RIMS2: variants seen among roughly 807,000 people sequenced by gnomAD.
RIMS2 encodes regulating synaptic membrane exocytosis protein 2.
A neutral mutation model predicts 174.4 loss-of-function variants in RIMS2; 59 were observed. That is an observed-to-expected ratio of 0.34 (90% CI 0.27 to 0.42). The LOEUF (loss-of-function observed/expected upper bound fraction) is 0.42, where lower values mean the gene tolerates loss of function less well. Ranked by LOEUF, RIMS2 falls within the 10% of genes least tolerant of loss-of-function variation. RIMS2 has a pLI of 1.00. For synonymous variants in RIMS2, 606 were observed against 572.5 expected (o/e 1.06, Z -0.84); for missense variants, 1,620 against 1,666.3 (o/e 0.97, Z 0.48).
chr8:104,208,725 G>A (rs943875034), intron 19 of RIMS2, among the ~76,000 whole-genome samples: 1 of 152,086 alleles, frequency 6.6e-6, no homozygotes, highest in African/African-American at 2.4e-5. Flanking sequence ...AATAAAGAAG[G>A]AAAACCTGAA....
intron 1 of RIMS2, among the ~76,000 whole-genome samples, chr8:103,633,336 C>A (rs2095992333): frequency 6.6e-6 from 1 of 151,986 alleles, no homozygotes; most frequent in Admixed American, 6.6e-5. Context: ...TGTGAGCCAC[C>A]ATGCCCATCC....
chr8:103,949,124 CAAAAAAAAA>C (rs533642917), intron 14 of RIMS2, among the ~76,000 whole-genome samples: 42 of 44,096 alleles, frequency 9.5e-4, no homozygotes, highest in Non-Finnish European at 1.8e-3. Context: ...GAGACTCTGT[CAAAAAAAAA>C]AAAAAAAAAA....
chr8:103,736,190 AG>A (rs2097683303), intron 2 of RIMS2, among the ~76,000 whole-genome samples: 1 of 152,184 alleles, frequency 6.6e-6, no homozygotes, highest in African/African-American at 2.4e-5. Flanking sequence ...TTGTAATGTG[AG>A]TCAAAACTCA....
chr8:104,083,420 T>A (rs2097465732), intron 19 of RIMS2, among the ~76,000 whole-genome samples: 1 of 152,214 alleles, frequency 6.6e-6, no homozygotes, highest in Non-Finnish European at 1.5e-5. Flanking sequence ...ACTTTTGGGA[T>A]GCTAGCTTGC....
At chr8:104,074,625 C>T (rs2097257015) in intron 19 of RIMS2, among the ~76,000 whole-genome samples, 1 of 150,994 alleles carries the variant, frequency 6.6e-6, no homozygotes, top group Non-Finnish European at 1.5e-5. Context: ...TCAAGTAGCA[C>T]AAATCTAAAA....
In RIMS2 at chr8:103,916,401, A is replaced by C. The variant is rs758251720; in HGVS notation, c.1913-13A>C. 34 of 1,579,542 alleles carry C rather than the reference A, an allele frequency of 2.2e-5. 1 individual carries two copies. In the South Asian group the frequency reaches 4.0e-4, roughly 18 times the overall value. On this transcript the variant is annotated splice_polypyrimidine_tract_variant and intron_variant, in intron 7 of 23. Coordinates refer to ENST00000504942, the Ensembl canonical transcript of RIMS2. ...TTTCTGTATAAGATTATTATTACTG[A>C]CACCCACTATAGGTGATGAAGTATT...
At chr8:103,630,273 T>A (rs1461957836) in intron 1 of RIMS2, among the ~76,000 whole-genome samples, 1 of 151,012 alleles carries the variant, frequency 6.6e-6, no homozygotes, top group Non-Finnish European at 1.5e-5. Context: ...TCAAAACCCA[T>A]AAAGACTGGA....
At chr8:104,100,930 ATATAT>A (rs1167544796) in intron 19 of RIMS2, among the ~76,000 whole-genome samples, 20 of 102,894 alleles carry the variant, frequency 1.9e-4, no homozygotes, top group South Asian at 3.2e-4. Context: ...TATATATGTG[ATATAT>A]TATATATTAT....
chr8:103,525,233 A>G (rs1833409723), intron 1 of RIMS2, among the ~76,000 whole-genome samples: 1 of 152,206 alleles, frequency 6.6e-6, no homozygotes, highest in African/African-American at 2.4e-5. Context: ...AAAACTTTGA[A>G]AGTGTGATAG....
chr8:103,587,469 A>AAAGAAAGAAAGAAAG (rs59840606), intron 1 of RIMS2, among the ~76,000 whole-genome samples: 42 of 59,950 alleles, frequency 7.0e-4, no homozygotes, highest in Non-Finnish European at 1.3e-3. Context: ...AGAAAGAAAG[A>AAAGAAAGAAAGAAAG]AACTATGCAC....
At chr8:104,145,786 C>G (rs1220386439) in intron 19 of RIMS2, among the ~76,000 whole-genome samples, 1 of 151,792 alleles carries the variant, frequency 6.6e-6, no homozygotes, top group Non-Finnish European at 1.5e-5. Context: ...TCACTTGAAC[C>G]CGGGAGGAGA....
chr8:103,867,274 A>G (rs2099088451), intron 3 of RIMS2, among the ~76,000 whole-genome samples: 1 of 151,890 alleles, frequency 6.6e-6, no homozygotes, highest in African/African-American at 2.4e-5. Flanking sequence ...AAAAATAAGC[A>G]TGTAATAAGC....
chr8:103,672,650 A>G (rs771157353), intron 1 of RIMS2, among the ~76,000 whole-genome samples: 1 of 152,012 alleles, frequency 6.6e-6, no homozygotes, highest in Non-Finnish European at 1.5e-5. Context: ...GCCATGAGGG[A>G]TCTAGCCCCA....
chr8:104,190,641 G>C (rs1215002503), intron 19 of RIMS2, among the ~76,000 whole-genome samples: 1 of 152,078 alleles, frequency 6.6e-6, no homozygotes, highest in Non-Finnish European at 1.5e-5. Flanking sequence ...AAAAGTGAGT[G>C]AGGCTCTGGG....
chr8:103,922,656 C>A (rs1296055555), intron 10 of RIMS2: 2 of 395,986 alleles, frequency 5.1e-6, no homozygotes, highest in Non-Finnish European at 1.0e-5. Flanking sequence ...CAGTTAAAAA[C>A]TAAATTATTT....
chr8:103,710,706 G>A (rs1031139106), intron 2 of RIMS2, among the ~76,000 whole-genome samples: 1 of 151,970 alleles, frequency 6.6e-6, no homozygotes, highest in Non-Finnish European at 1.5e-5. Context: ...AATAAATAAT[G>A]TACATTTCCA....
At chr8:103,600,027 A>T (rs1241236698) in intron 1 of RIMS2, among the ~76,000 whole-genome samples, 1 of 151,948 alleles carries the variant, frequency 6.6e-6, no homozygotes, top group African/African-American at 2.4e-5. Flanking sequence ...AATCATCCTC[A>T]TCTCCGCTAA....
chr8:104,241,345 G>A (rs2099292757), intron 19 of RIMS2, among the ~76,000 whole-genome samples: 1 of 152,102 alleles, frequency 6.6e-6, no homozygotes, highest in African/African-American at 2.4e-5. Flanking sequence ...GTAAAATTGG[G>A]ATTTTTAGCA....
At chr8:103,983,875 A>ACAAAG (rs1479896163) in intron 16 of RIMS2, among the ~76,000 whole-genome samples, 3 of 152,180 alleles carry the variant, frequency 2.0e-5, no homozygotes, top group Admixed American at 6.5e-5. Flanking sequence ...ACACAGGCAA[A>ACAAAG]CAAAGCAAAA....
Sources: allele counts gnomAD v4.1 joint callset (sites outside exome capture counted in the v4.1 genomes callset), GRCh38; gene constraint gnomAD v4.1.1; transcripts MANE v1.5; gene names NCBI Gene and HGNC (gene_info 2026-07-23, HGNC 2026-07-21).